Variants in SH3GLB2 observed in about 807,000 individuals in gnomAD.
SH3GLB2 encodes the protein endophilin-B2.
SH3GLB2 carries 24 observed loss-of-function variants against 48.0 expected under a neutral mutation model. The observed-to-expected ratio is 0.50, with a 90% confidence interval of 0.36 to 0.70. The LOEUF is 0.70. Among genes scored for constraint, SH3GLB2 ranks in the 30% least tolerant of loss-of-function variants. The pLI is 0.00. For missense variants in SH3GLB2, 425 were observed against 516.0 expected (o/e 0.82, Z 1.71); for synonymous variants, 227 against 207.6 (o/e 1.09, Z -0.80).
At chr9:129,023,679 T>TG (rs926053233) in intron 1 of SH3GLB2, among the ~76,000 whole-genome samples, 7 of 150,960 alleles carry the variant, frequency 4.6e-5, no homozygotes, top group South Asian at 2.1e-4. Flanking sequence ...CCAGCTGCGG[T>TG]GGGGGGTGGC....
At chr9:129,026,470 C>T (rs527961384) in intron 1 of SH3GLB2, among the ~76,000 whole-genome samples, 2 of 152,174 alleles carry the variant, frequency 1.3e-5, no homozygotes, top group Non-Finnish European at 2.9e-5. Flanking sequence ...TCCGAGGCTG[C>T]TCCCGGGAAA....
intron 3 of SH3GLB2, among the ~76,000 whole-genome samples, chr9:129,016,435 C>T (rs770751535): frequency 9.5e-5 from 14 of 147,210 alleles, no homozygotes; most frequent in African/African-American, 1.8e-4. Flanking sequence ...CTGAGGCAGG[C>T]GGATCATGAG....
chr9:129,009,190 G>A lies in SH3GLB2; in HGVS notation c.996C>T (p.Pro332=), dbSNP rs369414237. Residue 332 remains proline, a synonymous_variant, in exon 10 of 11, where the codon CCC becomes CCT. Coordinates refer to ENST00000372564, the MANE Select transcript of SH3GLB2 (RefSeq NM_020145.4). ...GAGCTTTGCGGGTCCCACTGGCAGG[G>A]GGGGCCACCTCTTCCAGGCAGAGCG... ...EASLCLEEVA[P]PASGTRKARV... is the part of the protein sequence containing the mutation. 4 of 1,611,258 alleles carry A rather than the reference G, an allele frequency of 2.5e-6. No individual in the cohort carries two copies. The highest frequency in any genetic ancestry group is 3.3e-5 in the Admixed American group (2 of 59,830).
At position 129,009,991 on chromosome 9, in the gene SH3GLB2, G is replaced by A. The variant is rs990385627; in HGVS notation, c.739-120C>T. The A allele has an allele frequency of 3.7e-6, 5 of 1,352,756 alleles. No individual in the cohort carries two copies. In the African/African-American group the frequency reaches 5.7e-5, roughly 16 times the overall value. The allele number at this position is 1,352,756 out of a possible 1,614,324, so 83.8% of individuals were successfully genotyped here. A position where few individuals can be genotyped will look rare whatever the true frequency, so the allele number is the denominator to read the frequency against. ...GCATTCCAGGGTGCCCTGCCCCTGC[G>A]CCCACACCCTCCCCGGTGGGACTTG... On this transcript the variant is annotated intron_variant, in intron 8 of 10. Transcript: ENST00000372564.
At chr9:129,026,466 G>A (rs1393583561) in intron 1 of SH3GLB2, among the ~76,000 whole-genome samples, 3 of 152,180 alleles carry the variant, frequency 2.0e-5, no homozygotes, top group African/African-American at 7.2e-5. Context: ...GGAGTCCGAG[G>A]CTGCTCCCGG....
intron 5 of SH3GLB2, chr9:129,012,890 CGG>C: frequency 7.6e-7 from 1 of 1,313,922 alleles, no homozygotes; most frequent in East Asian, 2.5e-5. Flanking sequence ...GAGGCTCTGG[CGG>C]GGAGACCAGC....
At position 129,008,741 on chromosome 9, in the gene SH3GLB2, G is replaced by A. The variant is rs767950884; in HGVS notation, c.1131C>T (p.Gly377=). The A allele has an allele frequency of 5.0e-6, 8 of 1,614,098 alleles. No homozygotes were observed. Among genetic ancestry groups the A allele is most frequent in the East Asian group, 2.2e-5 (1 of 44,880 alleles). ...CCTTGCCCTTCTTGTTGCCTCTCTC[G>A]CCAATGAGCCAGTCAGGGTCCATGC... The part of the protein sequence containing the change: ...LPGMDPDWLI[G]ERGNKKGKVP... Residue 377 remains glycine, a synonymous_variant, in exon 11 of 11, where the codon GGC becomes GGT. Transcript: ENST00000372564.
intron 3 of SH3GLB2, among the ~76,000 whole-genome samples, chr9:129,015,160 GA>G (rs1228711511): frequency 1.3e-5 from 2 of 152,296 alleles, no homozygotes; most frequent in Admixed American, 1.3e-4. Context: ...GAATGTCAGA[GA>G]AAGGAGCTCA....
chr9:129,009,609 C>CCACCCTCATA, intron 9 of SH3GLB2, 162 bp downstream of exon 9: 1 of 1,450,440 alleles, frequency 6.9e-7, no homozygotes. Flanking sequence ...GCCAGCCACT[C>CCACCCTCATA]CACCCTCATA....
At chr9:129,028,028 G>T in intron 1 of SH3GLB2, 64 bp downstream of exon 1, 2 of 1,444,696 alleles carry the variant, frequency 1.4e-6, no homozygotes, top group Non-Finnish European at 1.8e-6. Flanking sequence ...GGCGTCTGCC[G>T]CAGGGTGCTC....
chr9:129,016,739 G>A (rs1365621371), intron 3 of SH3GLB2, among the ~76,000 whole-genome samples: 2 of 151,992 alleles, frequency 1.3e-5, no homozygotes, highest in African/African-American at 4.8e-5. Flanking sequence ...GAGTTAACGT[G>A]GCTATACTAC....
chr9:129,010,270 TCTC>T (rs1672675357), intron 7 of SH3GLB2, 61 bp from the exon 8 acceptor site: 3 of 1,448,446 alleles, frequency 2.1e-6, no homozygotes, highest in South Asian at 1.2e-5. Flanking sequence ...CCCGCAGTCT[TCTC>T]CTGGAGCCTA....
chr9:129,026,109 C>T (rs1218578357), intron 1 of SH3GLB2, among the ~76,000 whole-genome samples: 1 of 152,170 alleles, frequency 6.6e-6, no homozygotes, highest in Non-Finnish European at 1.5e-5. Context: ...TTTCTGAGCA[C>T]AGTTCAGGGG....
At position 129,028,238 on chromosome 9, in the gene SH3GLB2, C is replaced by A; in HGVS notation, c.-84G>T. On this transcript the variant is annotated 5_prime_UTR_variant, in exon 1 of 11. Coordinates refer to ENST00000372564, the MANE Select transcript of SH3GLB2 (RefSeq NM_020145.4). ...CCGCCGCCGCCAACCGCACCCCGCCCACCTGCTGCGGGGCACCAGCCCTCC... is the reference window on the plus strand; with the variant it reads ...CCGCCGCCGCCAACCGCACCCCGCCAACCTGCTGCGGGGCACCAGCCCTCC... The A allele has an allele frequency of 1.1e-6, 1 of 941,630 alleles. No homozygotes were observed. The highest frequency in any genetic ancestry group is 1.3e-6 in the Non-Finnish European group (1 of 773,568). The allele number at this position is 941,630 out of a possible 1,614,324, so 58.3% of individuals were successfully genotyped here.
Position 129,011,973 on chromosome 9 carries a change from T to C in SH3GLB2, c.624+263A>G, listed in dbSNP as rs1843150219. 3 of 379,358 alleles carry C rather than the reference T, an allele frequency of 7.9e-6. No homozygotes were observed. The highest frequency in any genetic ancestry group is 1.4e-5 in the Non-Finnish European group (3 of 213,884). 23.5% of individuals were successfully genotyped at this position (379,358 alleles called of 1,614,324 possible). The stretch of plus-strand genomic sequence containing the variant: ...TGCCGCCCTGAGTTCTCCACACTAC[T>C]CAGTGTGGCTGGCCCTGCCGCCAGC... On this transcript the variant is annotated intron_variant, in intron 6 of 10. Transcript: ENST00000372564. This position sits in a 1 kb window ranked among gnomAD's most constrained non-coding sequence, Gnocchi z 4.5.
intron 1 of SH3GLB2, among the ~76,000 whole-genome samples, chr9:129,027,509 G>C (rs1182662560): frequency 6.6e-6 from 1 of 152,150 alleles, no homozygotes; most frequent in Non-Finnish European, 1.5e-5. Context: ...CAGCTTCCCA[G>C]CCAGACCCCA....
intron 1 of SH3GLB2, among the ~76,000 whole-genome samples, chr9:129,023,592 C>A (rs1240358608): frequency 1.3e-5 from 2 of 152,262 alleles, no homozygotes; most frequent in East Asian, 3.9e-4. Context: ...TTCACAGATG[C>A]TGCCACTGAG....
chr9:129,015,959 T>C (rs185249992), intron 3 of SH3GLB2: 6 of 187,014 alleles, frequency 3.2e-5, no homozygotes, highest in Middle Eastern at 4.9e-4. Flanking sequence ...TTAGAAACAA[T>C]AGAAGCCAGA....
intron 8 of SH3GLB2, 27 bp from the exon 9 acceptor site, chr9:129,009,898 T>C: frequency 6.3e-7 from 1 of 1,598,322 alleles, no homozygotes; most frequent in Non-Finnish European, 8.6e-7. Context: ...AGAGGCTGAC[T>C]TCTAACCTCC....
Sources: gnomAD v4.1 joint callset for allele counts (sites outside exome capture counted in the v4.1 genomes callset) on GRCh38, gnomAD v4.1.1 for gene constraint, Gnocchi (gnomAD v3.1) non-coding constraint, MANE v1.5 for transcripts, NCBI Gene and HGNC (gene_info 2026-07-23, HGNC 2026-07-21) for gene names.